The following STRIP1 variants were observed in gnomAD, a reference collection of about 807,000 sequenced individuals.
STRIP1 encodes the protein striatin-interacting protein 1.
Under a neutral mutation model 106.2 loss-of-function variants are expected in STRIP1, and 63 were observed. The ratio of observed to expected loss-of-function variants is 0.59; its 90% CI spans 0.48 to 0.73. STRIP1 has a LOEUF of 0.73. Among genes scored for constraint, STRIP1 ranks in the 30% least tolerant of loss-of-function variants. The pLI, the probability that STRIP1 is intolerant of heterozygous loss-of-function variation, is 0.00. For missense variants in STRIP1, 857 were observed against 1,074.8 expected, an observed-to-expected ratio of 0.80 and a Z score of 2.83; for synonymous variants, 390 against 413.0, an observed-to-expected ratio of 0.94 and a Z score of 0.67.
chr1:110,047,191 G>A (rs902803497), intron 13 of STRIP1, among the ~76,000 whole-genome samples: 2 of 152,142 alleles, frequency 1.3e-5, no homozygotes, highest in African/African-American at 2.4e-5. Flanking sequence ...GCTGAGACAC[G>A]TCTAGTGCAG....
In STRIP1 at chr1:110,041,394, T is replaced by G. The variant is rs17025348; in HGVS notation, c.651-142T>G. ...GGAAGCTTAGGGTGGTAAATGCTTT[T>G]GGCCATTCTTGTTCATACTCATTTA... On this transcript the variant is annotated intron_variant, in intron 6 of 20. Transcript: ENST00000369795. 1.7e-3 allele frequency: 1,087 copies of G among 626,266 alleles called. 7 individuals are homozygous for G. The African/African-American group carries it at 0.018, about 11-fold the overall frequency. The allele number at this position is 626,266 out of a possible 1,614,324, so 38.8% of individuals were successfully genotyped here.
intron 12 of STRIP1, chr1:110,045,281 C>A (rs913954441): frequency 1.8e-6 from 1 of 563,594 alleles, no homozygotes; most frequent in Non-Finnish European, 3.2e-6. Flanking sequence ...TTTAGCTGAG[C>A]TTTTGTTTGG....
chr1:110,032,020 C>G (rs1386737516), upstream of STRIP1, among the ~76,000 whole-genome samples: 2 of 151,936 alleles, frequency 1.3e-5, no homozygotes, highest in African/African-American at 4.8e-5. Flanking sequence ...AGGCATGAGC[C>G]ACGGTGCCTG....
At chr1:110,045,798 T>G (rs1378964568) in intron 12 of STRIP1, among the ~76,000 whole-genome samples, 2 of 151,814 alleles carry the variant, frequency 1.3e-5, no homozygotes, top group African/African-American at 2.4e-5. Flanking sequence ...GGCAGACAGG[T>G]TCTAAAGAGA....
chr1:110,040,883 C>T (rs950665604), intron 6 of STRIP1, among the ~76,000 whole-genome samples, 180 bp downstream of exon 6: 1 of 152,178 alleles, frequency 6.6e-6, no homozygotes, highest in Non-Finnish European at 1.5e-5. Flanking sequence ...CTAGGTGGGA[C>T]TCTGGGTTGA....
intron 19 of STRIP1, 75 bp downstream of exon 19, chr1:110,051,135 GGGTGGGGCTCACTGTGCCTTCTCACTT>G: frequency 1.0e-6 from 1 of 978,316 alleles, no homozygotes; most frequent in South Asian, 1.3e-5. Context: ...GGAGTCCCCA[GGGTGGGGCTCACTGTGCCTTCTCACTT>G]AACTTTGCTG....
At chr1:110,043,422 T>C (rs1312299938) in intron 9 of STRIP1, 152 bp downstream of exon 9, 10 of 945,208 alleles carry the variant, frequency 1.1e-5, no homozygotes, top group Non-Finnish European at 1.6e-5. Context: ...TGTCCCCAGC[T>C]CTGGTCCAGT....
chr1:110,032,720 C>G (rs1397917486), upstream of STRIP1, among the ~76,000 whole-genome samples: 1 of 152,152 alleles, frequency 6.6e-6, no homozygotes, highest in African/African-American at 2.4e-5. Flanking sequence ...CCAGCAAATC[C>G]TGTCCCCCTA....
chr1:110,053,957 AGGTACCTG>A lies in STRIP1; in HGVS notation c.*46_*53del, dbSNP rs1653420684. ...GAAATGGAGAGAAAAGATGATCTGA[AGGTACCTG>A]TGGGACTGTCCTAGTTCATTGCTGC... On this transcript the variant is annotated 3_prime_UTR_variant, in exon 21 of 21. Transcript: ENST00000369795. The A allele has an allele frequency of 1.9e-6, 3 of 1,607,710 alleles. No individual in the cohort carries two copies. In the South Asian group the frequency reaches 3.3e-5, roughly 18 times the overall value.
upstream of STRIP1, chr1:110,034,583 G>A (rs1238051161): frequency 2.1e-6 from 3 of 1,458,958 alleles, no homozygotes; most frequent in Non-Finnish European, 2.7e-6. Context: ...AATCACGCGA[G>A]AGTTGCATCA....
intron 1 of STRIP1, 123 bp from the exon 2 acceptor site, chr1:110,037,768 A>C: frequency 1.5e-6 from 1 of 657,178 alleles, no homozygotes; most frequent in East Asian, 2.8e-5. Context: ...AGGAAACAAA[A>C]TGTGAAAAAA....
chr1:110,039,341 C>T, intron 4 of STRIP1, 35 bp downstream of exon 4: 2 of 1,613,958 alleles, frequency 1.2e-6, no homozygotes, highest in Non-Finnish European at 8.5e-7. Context: ...TCCCTGGCAC[C>T]TCTGCCCACT....
intron 18 of STRIP1, 68 bp downstream of exon 18, chr1:110,050,477 C>A (rs1653243442): frequency 8.5e-6 from 12 of 1,415,616 alleles, no homozygotes; most frequent in Non-Finnish European, 1.0e-5. Context: ...GCCTGCCTAC[C>A]CCAACACTGC....
rs757426185 is a variant in STRIP1, at chr1:110,043,755, G to A, written c.1185G>A (p.Thr395=). The change falls in exon 10 of 21, where the codon ACG becomes ACA. Residue 395 remains threonine (T), a synonymous_variant. Coordinates refer to ENST00000369795, the MANE Select transcript of STRIP1 (RefSeq NM_033088.4). ...ATGACAACAGTCTGGAGGGGGAGAC[G>A]TTTCCCCTGGAACGGGATGAAGTGA... is the stretch of plus-strand genomic sequence containing the variant. ...NDDDNSLEGE[T]FPLERDEVMP... 21 of 1,614,030 alleles carry A rather than the reference G, an allele frequency of 1.3e-5. No individual in the cohort carries two copies. In the Admixed American group the frequency reaches 1.7e-4, roughly 13 times the overall value.
At chr1:110,049,979 A>T in intron 17 of STRIP1, 1 of 341,732 alleles carries the variant, frequency 2.9e-6, no homozygotes, top group Non-Finnish European at 5.4e-6. Flanking sequence ...CTTGCTCGTC[A>T]GTGTGATATA....
chr1:110,039,482 A>G lies in STRIP1; in HGVS notation c.548A>G (p.Asn183Ser), dbSNP rs147025127. ...CTCCTCCTGGAGGTGGGCACGTTCA[A>G]TGCTTTGGTGGAGCTTCTGAACATG... is the stretch of plus-strand genomic sequence containing the variant. The part of the protein sequence containing the change: ...IFLLLEVGTF[N>S]ALVELLNMEI... Residue 183 changes from asparagine (N) to serine (S), a missense_variant, in exon 5 of 21, where the codon AAT (asparagine) becomes AGT (serine). By Grantham distance (46) the Asn-to-Ser change is conservative (BLOSUM62 1). This residue lies in a region of STRIP1 where 750 missense variants were observed against 989.8 expected (regional missense o/e 0.76). Transcript: ENST00000369795. 1.4e-4 allele frequency: 218 copies of G among 1,609,702 alleles called. No homozygotes were observed. Among genetic ancestry groups the G allele is most frequent in the Admixed American group, 6.9e-4 (41 of 59,134 alleles).
Position 110,046,736 on chromosome 1 carries a change from C to T in STRIP1, c.1473C>T (p.Arg491=), listed in dbSNP as rs1278014146. The T allele has an allele frequency of 1.9e-6, 3 of 1,612,476 alleles. No individual in the cohort carries two copies. Among genetic ancestry groups the T allele is most frequent in the Non-Finnish European group, 2.5e-6 (3 of 1,178,816 alleles). The part of the protein sequence containing the change: ...VQAQMEEEYL[R]SPLSGGEEEV... ...CACAGATGGAGGAGGAATACCTCCGCTCCCCTCTCTCAGGGGTAAGTTGGA... is the reference window on the plus strand; with the variant it reads ...CACAGATGGAGGAGGAATACCTCCGTTCCCCTCTCTCAGGGGTAAGTTGGA... Residue 491 remains arginine, a synonymous_variant, in exon 13 of 21, where the codon CGC becomes CGT. Transcript: ENST00000369795.
In STRIP1 at chr1:110,039,219, C is replaced by G; in HGVS notation, c.373C>G (p.His125Asp). Residue 125 changes from histidine to aspartate, a missense_variant, in exon 4 of 21, where the codon CAT (histidine) becomes GAT (aspartate). By Grantham distance (81) the His-to-Asp change is moderately conservative. Coordinates refer to ENST00000369795, the MANE Select transcript of STRIP1 (RefSeq NM_033088.4). ...TELDTNQHRT[H>D]AMRLLDGLEV... ...GCTGGATACCAACCAGCACCGGACC[C>G]ATGCCATGAGGCTCCTGGATGGCTT... 6.2e-7 allele frequency: 1 copy of G among 1,614,228 alleles called. No homozygotes were observed. The highest frequency in any genetic ancestry group is 8.5e-7 in the Non-Finnish European group (1 of 1,180,048).
intron 1 of STRIP1, among the ~76,000 whole-genome samples, chr1:110,036,028 A>AG (rs1652435325): frequency 6.6e-6 from 1 of 152,254 alleles, no homozygotes; most frequent in Non-Finnish European, 1.5e-5. Flanking sequence ...ACGAAAGTGC[A>AG]GGGGGGTGAA....
Sources: gnomAD v4.1 joint callset for allele counts (sites outside exome capture counted in the v4.1 genomes callset) on GRCh38, gnomAD v4.1.1 for gene constraint, gnomAD v4.1.1 regional missense constraint, MANE v1.5 for transcripts, NCBI Gene and HGNC (gene_info 2026-07-23, HGNC 2026-07-21) for gene names.